CYP39A1: variants seen among roughly 807,000 people sequenced by gnomAD.
The protein encoded by CYP39A1 is 24-hydroxycholesterol 7-alpha-hydroxylase.
Under a neutral mutation model 58.1 loss-of-function variants are expected in CYP39A1, and 49 were observed. The observed-to-expected ratio is 0.84, with a 90% CI of 0.67 to 1.07. The LOEUF (loss-of-function observed/expected upper bound fraction) is 1.07. Ranked by LOEUF, CYP39A1 falls within the 50% of genes least tolerant of loss-of-function variation. CYP39A1 has a pLI of 0.00. For missense variants in CYP39A1, 531 were observed against 539.4 expected (o/e 0.98, Z 0.16); for synonymous variants, 209 against 187.6 (o/e 1.11, Z -0.93).
chr6:46,560,819 T>C (rs1770934356), intron 10 of CYP39A1, among the ~76,000 whole-genome samples: 1 of 151,898 alleles, frequency 6.6e-6, no homozygotes, highest in Non-Finnish European at 1.5e-5. Context: ...AATCCAAAAT[T>C]TGGAAGTCAG....
intron 10 of CYP39A1, among the ~76,000 whole-genome samples, chr6:46,562,907 T>C (rs1263569485): frequency 6.6e-6 from 1 of 151,990 alleles, no homozygotes. Flanking sequence ...CATTTTGAAT[T>C]TGTGTGGCTT....
chr6:46,634,511 T>TA (rs1775848237), intron 5 of CYP39A1, among the ~76,000 whole-genome samples: 1 of 143,098 alleles, frequency 7.0e-6, no homozygotes, highest in Admixed American at 7.8e-5. Flanking sequence ...ATTTTACTTT[T>TA]TTTTTCTTTT....
chr6:46,551,247 C>T (rs1770378499), intron 11 of CYP39A1, among the ~76,000 whole-genome samples: 1 of 151,472 alleles, frequency 6.6e-6, no homozygotes, highest in African/African-American at 2.4e-5. Flanking sequence ...TGCAGGGTTC[C>T]ACGAACCCAC....
rs1775257266 is a variant in CYP39A1, at chr6:46,625,481, G to C, written c.868C>G (p.Leu290Val). The change falls in exon 7 of 12, where the codon CTT becomes GTT. Residue 290 changes from leucine to valine, a missense_variant. By Grantham distance (32) the Leu-to-Val change is conservative. Transcript: ENST00000275016. The stretch of plus-strand genomic sequence containing the variant: ...GCCTTGTGGATATCAGGATGAGAAA[G>C]GACGTATGCAAGTGTCCAAAATGCA... ...PVAFWTLAYV[L>V]SHPDIHKAIM... is the part of the protein sequence containing the mutation. The C allele has an allele frequency of 1.2e-6, 2 of 1,610,010 alleles. No individual in the cohort carries two copies. The highest frequency in any genetic ancestry group is 1.7e-6 in the Non-Finnish European group (2 of 1,177,930).
chr6:46,649,581 C>G (rs10498769), intron 1 of CYP39A1, among the ~76,000 whole-genome samples: 33,446 of 152,122 alleles, frequency 0.22, 4,299 homozygotes, highest in South Asian at 0.34. Flanking sequence ...GAGTAAATCC[C>G]TACTGACATA....
intron 10 of CYP39A1, among the ~76,000 whole-genome samples, chr6:46,566,139 C>G (rs953140537): frequency 3.9e-5 from 6 of 152,138 alleles, no homozygotes; most frequent in Non-Finnish European, 8.8e-5. Flanking sequence ...AGTGCATGCT[C>G]TGGAGCTATT....
At chr6:46,647,947 C>G (rs553162145) in intron 1 of CYP39A1, among the ~76,000 whole-genome samples, 76 of 152,250 alleles carry the variant, frequency 5.0e-4, no homozygotes, top group African/African-American at 1.8e-3. Context: ...AAATGCAAAT[C>G]AAAACCACAA....
chr6:46,582,832 T>C (rs1327713125), intron 10 of CYP39A1, among the ~76,000 whole-genome samples: 1 of 152,100 alleles, frequency 6.6e-6, no homozygotes, highest in Non-Finnish European at 1.5e-5. Context: ...GGGCTTCATC[T>C]GATTTGTTTT....
intron 7 of CYP39A1, among the ~76,000 whole-genome samples, chr6:46,622,471 A>C (rs9472806): frequency 6.6e-6 from 1 of 151,836 alleles, no homozygotes; most frequent in Non-Finnish European, 1.5e-5. Context: ...AATGAAGCCC[A>C]ATATGCTGGC....
intron 8 of CYP39A1, among the ~76,000 whole-genome samples, chr6:46,594,675 C>T (rs1465559750): frequency 6.6e-6 from 1 of 151,944 alleles, no homozygotes; most frequent in Non-Finnish European, 1.5e-5. Context: ...AGATTAAAGA[C>T]TTGAAAGTAA....
At position 46,583,574 on chromosome 6, in the gene CYP39A1, T is replaced by A. The variant is rs886731661; in HGVS notation, c.1250+3503A>T. The A allele has an allele frequency of 7.1e-6, 7 of 985,298 alleles. No homozygotes were observed. In the African/African-American group the frequency reaches 1.2e-4, roughly 17 times the overall value. 61.0% of individuals were successfully genotyped at this position (985,298 alleles called of 1,614,324 possible). A position where few individuals can be genotyped will look rare whatever the true frequency, so the allele number is the denominator to read the frequency against. Reference sequence around the variant, plus strand: ...GGTGGTTCATGCTGCTCTTTCCTGTTTGTTTTTCTGAAACAAAACAAAACA... The same window carrying A: ...GGTGGTTCATGCTGCTCTTTCCTGTATGTTTTTCTGAAACAAAACAAAACA... On this transcript the variant is annotated intron_variant, in intron 10 of 11. Transcript: ENST00000275016.
At chr6:46,601,927 C>T (rs1773532154) in intron 7 of CYP39A1, among the ~76,000 whole-genome samples, 1 of 152,108 alleles carries the variant, frequency 6.6e-6, no homozygotes, top group South Asian at 2.1e-4. Flanking sequence ...TGCAGAAACC[C>T]TTTCCTGGCC....
At chr6:46,648,738 A>T (rs1398676009) in intron 1 of CYP39A1, among the ~76,000 whole-genome samples, 1 of 152,132 alleles carries the variant, frequency 6.6e-6, no homozygotes, top group African/African-American at 2.4e-5. Context: ...ATTAAGATGC[A>T]GAGAGGGTAG....
intron 7 of CYP39A1, among the ~76,000 whole-genome samples, chr6:46,615,475 A>C (rs1774476703): frequency 6.6e-6 from 1 of 152,052 alleles, no homozygotes; most frequent in Non-Finnish European, 1.5e-5. Flanking sequence ...AACTTGTCTA[A>C]TGACAGTTTT....
chr6:46,614,594 T>G (rs1256813549), intron 7 of CYP39A1, among the ~76,000 whole-genome samples: 2 of 152,194 alleles, frequency 1.3e-5, no homozygotes, highest in African/African-American at 4.8e-5. Context: ...CATTTTCTCC[T>G]TTGGCTCCAT....
intron 1 of CYP39A1, among the ~76,000 whole-genome samples, chr6:46,646,107 C>T (rs549702609): frequency 1.3e-5 from 2 of 151,876 alleles, no homozygotes; most frequent in East Asian, 3.9e-4. Context: ...TATATATTTT[C>T]TTTTCTTTTC....
At chr6:46,614,023 C>A (rs1774382562) in intron 7 of CYP39A1, among the ~76,000 whole-genome samples, 1 of 149,264 alleles carries the variant, frequency 6.7e-6, no homozygotes, top group Non-Finnish European at 1.5e-5. Context: ...GAAAGGTAAA[C>A]CATAATGGTA....
Position 46,616,163 on chromosome 6 carries a change from T to TCTTTCTTTCTTTC in CYP39A1, c.931+9254_931+9255insGAAAGAAAGAAAG, listed in dbSNP as rs376056800. ...TTCTTTCTTTCTTTCTTTCTTTCTTTTTTCTTTCTTTCTTTCTTTCTTTCT... is the reference window on the plus strand; with the variant it reads ...TTCTTTCTTTCTTTCTTTCTTTCTTTCTTTCTTTCTTTCTTTCTTTCTTTCTTTCTTTCTTTCT... On this transcript the variant is annotated intron_variant, in intron 7 of 11. Transcript: ENST00000275016. Among the ~76,000 whole-genome samples, 15 of 6,220 alleles carry TCTTTCTTTCTTTC rather than the reference T, an allele frequency of 2.4e-3. 7 individuals carry two copies. The East Asian group carries it at 0.026, about 11-fold the overall frequency. The allele number at this position is 6,220 out of a possible 152,430, so 4.1% of individuals were successfully genotyped here.
chr6:46,626,337 T>C (rs1489281459), intron 6 of CYP39A1, among the ~76,000 whole-genome samples: 1 of 152,182 alleles, frequency 6.6e-6, no homozygotes, highest in Non-Finnish European at 1.5e-5. Flanking sequence ...GGTTTCACTT[T>C]CATTTTTTTC....
Sources: gnomAD v4.1 joint callset for allele counts (sites outside exome capture counted in the v4.1 genomes callset) on GRCh38, gnomAD v4.1.1 for gene constraint, MANE v1.5 for transcripts, NCBI Gene and HGNC (gene_info 2026-07-23, HGNC 2026-07-21) for gene names.